Variants in PIEZO2 observed in about 807,000 individuals in gnomAD.
PIEZO2 encodes the protein piezo-type mechanosensitive ion channel component 2.
A neutral mutation model predicts 337.3 loss-of-function variants in PIEZO2; 172 were observed. The ratio of observed to expected loss-of-function variants is 0.51; its 90% confidence interval spans 0.45 to 0.58. The LOEUF (loss-of-function observed/expected upper bound fraction) is 0.58. Among genes scored for constraint, PIEZO2 ranks in the 20% least tolerant of loss-of-function variants. The probability of loss-of-function intolerance (pLI) is 0.00; values close to 1 mark genes in which losing one functional copy is unlikely to be tolerated. For synonymous variants in PIEZO2, 1,251 were observed against 1,228.5 expected, an observed-to-expected ratio of 1.02 and a Z score of -0.38; for missense variants, 3,028 against 3,391.3, an observed-to-expected ratio of 0.89 and a Z score of 2.66.
intron 3 of PIEZO2, among the ~76,000 whole-genome samples, chr18:10,971,484 G>A (rs1322619262): frequency 6.6e-6 from 1 of 152,156 alleles, no homozygotes; most frequent in Non-Finnish European, 1.5e-5. Flanking sequence ...GACCCACTTG[G>A]AGGAGGTGGT....
intron 18 of PIEZO2, among the ~76,000 whole-genome samples, chr18:10,776,475 C>T (rs1305133474): frequency 6.6e-6 from 1 of 152,160 alleles, no homozygotes. Context: ...TAAGAGCCTG[C>T]ACAATGATGG....
In PIEZO2 at chr18:10,783,643, C is replaced by A. The variant is rs1255699712; in HGVS notation, c.2492+1141G>T. Among the ~76,000 whole-genome samples the A allele has an allele frequency of 6.6e-6, 1 of 152,148 alleles. No individual in the cohort carries two copies. On this transcript the variant is annotated intron_variant, in intron 17 of 55. Transcript: ENST00000674853. The surrounding 1 kb of genome is among the most constrained non-coding windows in gnomAD (Gnocchi z 4.3). ...GGCCTTGGGAGCAGAGAGGTTTTAG[C>A]AGAGCCTGATTTTCCTGGTGGCTAG...
rs2039749175 is a variant in PIEZO2 at position 11,111,906 on chromosome 18, A to T, written c.64+36619T>A. Reference sequence around the variant, plus strand: ...CAAATAACAATGTGTCTCTTTTAAGATAAAACACAAGATCTCAAAGAAACG... The same window carrying T: ...CAAATAACAATGTGTCTCTTTTAAGTTAAAACACAAGATCTCAAAGAAACG... On this transcript the variant is annotated intron_variant, in intron 1 of 55. Coordinates refer to ENST00000674853, the MANE Select transcript of PIEZO2 (RefSeq NM_001378183.1). This position sits in a 1 kb window ranked among gnomAD's most constrained non-coding sequence, Gnocchi z 6.2. Among the ~76,000 whole-genome samples the T allele has an allele frequency of 6.6e-6, 1 of 152,358 alleles. No homozygotes were observed. Among genetic ancestry groups the T allele is most frequent in the African/African-American group, 2.4e-5 (1 of 41,594 alleles).
At chr18:10,935,852 T>C (rs999230158) in intron 3 of PIEZO2, among the ~76,000 whole-genome samples, 21 of 152,224 alleles carry the variant, frequency 1.4e-4, no homozygotes, top group African/African-American at 5.1e-4. Context: ...AACAGTCACC[T>C]TCCTCACGTG....
chr18:11,066,885 C>T (rs1433871494), intron 1 of PIEZO2, among the ~76,000 whole-genome samples: 1 of 152,172 alleles, frequency 6.6e-6, no homozygotes, highest in South Asian at 2.1e-4. Flanking sequence ...CAGGCGTGAG[C>T]CACCGCATCT....
intron 2 of PIEZO2, among the ~76,000 whole-genome samples, chr18:11,018,736 T>C (rs1395987601): frequency 6.6e-6 from 1 of 152,154 alleles, no homozygotes; most frequent in Non-Finnish European, 1.5e-5. Flanking sequence ...AAATGATGTC[T>C]CCTTCCTTTT....
At chr18:10,804,513 C>G (rs137970570) in intron 8 of PIEZO2, among the ~76,000 whole-genome samples, 6 of 152,166 alleles carry the variant, frequency 3.9e-5, no homozygotes, top group Non-Finnish European at 7.3e-5. Flanking sequence ...GGAACAGAAG[C>G]GCTTCGGTGC....
chr18:11,036,941 AT>A lies in PIEZO2; in HGVS notation c.160+29185del, dbSNP rs1374572153. Among the ~76,000 whole-genome samples the A allele has an allele frequency of 9.2e-5, 14 of 151,664 alleles. No homozygotes were observed. The East Asian group carries it at 9.7e-4, about 11-fold the overall frequency. Reference sequence around the variant, plus strand: ...CAGGCACTTCATACTTGCAGTCAGAATTTTTTTTTCTTATTTGTGTGCGTGT... The same window carrying A: ...CAGGCACTTCATACTTGCAGTCAGAATTTTTTTTCTTATTTGTGTGCGTGT... On this transcript the variant is annotated intron_variant, in intron 2 of 55. Coordinates refer to ENST00000674853, the MANE Select transcript of PIEZO2 (RefSeq NM_001378183.1).
rs1410452677 is a variant in PIEZO2 at position 10,980,303 on chromosome 18, G to A, written c.161-643C>T. On this transcript the variant is annotated intron_variant, in intron 2 of 55. Transcript: ENST00000674853. The surrounding 1 kb of genome is among the most constrained non-coding windows in gnomAD (Gnocchi z 4.8). ...GTTGCTATCATGGTTTTCTCAATTG[G>A]CACCAAAGAAATGTTTCATAAAGTT... is the stretch of plus-strand genomic sequence containing the variant. Among the ~76,000 whole-genome samples, 7 of 151,866 alleles carry A rather than the reference G, an allele frequency of 4.6e-5. No individual in the cohort carries two copies. The highest frequency in any genetic ancestry group is 1.0e-4 in the Non-Finnish European group (7 of 67,962).
chr18:10,898,372 A>C (rs1393272665), intron 4 of PIEZO2, among the ~76,000 whole-genome samples: 4 of 151,978 alleles, frequency 2.6e-5, no homozygotes, highest in African/African-American at 9.7e-5. Flanking sequence ...AGTGAGCCGA[A>C]ATTGCGCCAG....
chr18:10,814,176 A>T (rs28740992), intron 7 of PIEZO2, among the ~76,000 whole-genome samples: 2 of 151,702 alleles, frequency 1.3e-5, no homozygotes, highest in African/African-American at 4.9e-5. Context: ...TCACTGTGTT[A>T]GCCAGGATGG....
intron 7 of PIEZO2, among the ~76,000 whole-genome samples, chr18:10,836,829 T>G (rs1411042278): frequency 2.6e-5 from 4 of 152,172 alleles, no homozygotes; most frequent in Non-Finnish European, 4.4e-5. Context: ...GGAGGTAATA[T>G]CTGCACAGGT....
chr18:10,789,941 G>C (rs114662038), intron 14 of PIEZO2, among the ~76,000 whole-genome samples: 1,531 of 152,154 alleles, frequency 0.01, 31 homozygotes, highest in African/African-American at 0.035. Context: ...ATACATAAGA[G>C]TCATCTCTGT....
At chr18:11,020,372 C>A (rs2036266764) in intron 2 of PIEZO2, among the ~76,000 whole-genome samples, 1 of 152,154 alleles carries the variant, frequency 6.6e-6, no homozygotes, top group African/African-American at 2.4e-5. Context: ...AATAACTTTT[C>A]TGCTTGCTTA....
chr18:10,694,895 G>A (rs1444436221), intron 47 of PIEZO2, among the ~76,000 whole-genome samples: 1 of 152,160 alleles, frequency 6.6e-6, no homozygotes, highest in African/African-American at 2.4e-5. Flanking sequence ...GTCTGGGAGT[G>A]CAGTTCCAGA....
chr18:10,728,519 G>T (rs949831420), intron 36 of PIEZO2: 4 of 152,068 alleles, frequency 2.6e-5, no homozygotes, highest in African/African-American at 4.8e-5. Flanking sequence ...TGAGAGGATT[G>T]AATAAATTAT....
rs147751841 is a variant in PIEZO2 at position 10,781,350 on chromosome 18, G to A, written c.2493-984C>T. ...CCAGGCATGGTGGCACATGCCTGTA[G>A]TCCCAGCTACTTGGGAGCCTGAGGC... On this transcript the variant is annotated intron_variant, in intron 17 of 55. Coordinates refer to ENST00000674853, the MANE Select transcript of PIEZO2 (RefSeq NM_001378183.1). The surrounding 1 kb of genome is among the most constrained non-coding windows in gnomAD (Gnocchi z 4.1). Among the ~76,000 whole-genome samples the A allele has an allele frequency of 7.8e-3, 1,188 of 152,052 alleles. 17 individuals are homozygous for A. The highest frequency in any genetic ancestry group is 0.027 in the African/African-American group (1,136 of 41,506).
chr18:10,731,460 T>C lies in PIEZO2; in HGVS notation c.4976A>G (p.Lys1659Arg). 6.5e-7 allele frequency: 1 copy of C among 1,536,002 alleles called. No individual in the cohort carries two copies. Among genetic ancestry groups the C allele is most frequent in the South Asian group, 1.2e-5 (1 of 83,924 alleles). The change falls in exon 36 of 56, where the codon AAA becomes AGA. Residue 1659 changes from lysine to arginine, a missense_variant. Physicochemically the swap from Lys to Arg is conservative, Grantham distance 26. This residue lies in a region of PIEZO2 where 1,925 missense variants were observed against 2,051.9 expected (regional missense o/e 0.94). Coordinates refer to ENST00000674853, the MANE Select transcript of PIEZO2 (RefSeq NM_001378183.1). The stretch of plus-strand genomic sequence containing the variant: ...CCGTTCTTCTCTTGCAGACCTTTTT[T>C]TCTCTTTGTGTCTTTGTCGGAGTGC... ...KTALRQRHKE[K>R]KRSAREERKR...
chr18:10,910,863 G>T (rs1184670339), intron 4 of PIEZO2, among the ~76,000 whole-genome samples: 1 of 152,000 alleles, frequency 6.6e-6, no homozygotes, highest in Non-Finnish European at 1.5e-5. Context: ...AGGAGGTGAT[G>T]AAGCTAGGGG....
Sources: gnomAD v4.1 joint callset for allele counts (sites outside exome capture counted in the v4.1 genomes callset) on GRCh38, gnomAD v4.1.1 for gene constraint, gnomAD v4.1.1 regional missense constraint, Gnocchi (gnomAD v3.1) non-coding constraint, MANE v1.5 for transcripts, NCBI Gene and HGNC (gene_info 2026-07-23, HGNC 2026-07-21) for gene names.